Variants in ABI2 observed in about 807,000 individuals in gnomAD.
ABI2 encodes abelson interactor 2.
A neutral mutation model predicts 59.2 loss-of-function variants in ABI2; 25 were observed. The observed-to-expected ratio is 0.42, with a 90% confidence interval of 0.31 to 0.59. The LOEUF is 0.59. ABI2 is among the 20% of genes least tolerant of loss of function. The pLI is 0.14. For missense variants in ABI2, 545 were observed against 681.8 expected, an observed-to-expected ratio of 0.80 and a Z score of 2.23; for synonymous variants, 213 against 235.5, an observed-to-expected ratio of 0.90 and a Z score of 0.87.
In ABI2 at chr2:203,427,407, C is replaced by G; in HGVS notation, c.*55C>G. 1 of 1,466,938 alleles carries G rather than the reference C, an allele frequency of 6.8e-7. No individual in the cohort carries two copies. Among genetic ancestry groups the G allele is most frequent in the Non-Finnish European group, 9.3e-7 (1 of 1,070,892 alleles). 90.9% of individuals were successfully genotyped at this position (1,466,938 alleles called of 1,614,324 possible). A position where few individuals can be genotyped will look rare whatever the true frequency, so the allele number is the denominator to read the frequency against. On this transcript the variant is annotated 3_prime_UTR_variant, in exon 12 of 12. Transcript: ENST00000261018. ...GAATAGTCAGGTCTTCCCAGATTATCTGAAGGCCCTGGGGATTCCACTCCA... is the reference window on the plus strand; with the variant it reads ...GAATAGTCAGGTCTTCCCAGATTATGTGAAGGCCCTGGGGATTCCACTCCA...
At chr2:203,390,367 C>T in intron 4 of ABI2, among the ~76,000 whole-genome samples, 1 of 152,166 alleles carries the variant, frequency 6.6e-6, no homozygotes, top group South Asian at 2.1e-4. Flanking sequence ...TGCAGTGGCT[C>T]ACGCCTGTAA....
At chr2:203,405,436 G>C (rs1199246942) in intron 9 of ABI2, among the ~76,000 whole-genome samples, 1 of 152,108 alleles carries the variant, frequency 6.6e-6, no homozygotes, top group Non-Finnish European at 1.5e-5. Context: ...TGCAGTCCCA[G>C]CTCCTCAGGA....
intron 4 of ABI2, among the ~76,000 whole-genome samples, chr2:203,385,019 G>C (rs1226994540): frequency 1.3e-5 from 2 of 151,702 alleles, no homozygotes; most frequent in Admixed American, 1.3e-4. Context: ...ACTTTTAGTA[G>C]AGACAGGGTT....
intron 2 of ABI2, among the ~76,000 whole-genome samples, chr2:203,370,388 AAG>A (rs1427745307): frequency 6.6e-6 from 1 of 152,042 alleles, no homozygotes; most frequent in Non-Finnish European, 1.5e-5. Flanking sequence ...ATGCCCAGCA[AAG>A]AGAGATGACA....
intron 1 of ABI2, among the ~76,000 whole-genome samples, chr2:203,347,977 A>G (rs775286196): frequency 3.9e-5 from 6 of 152,208 alleles, no homozygotes; most frequent in African/African-American, 7.2e-5. Flanking sequence ...CAGGTGGCTC[A>G]TGCCTATAAT....
At chr2:203,386,104 G>T (rs1044136267) in intron 4 of ABI2, among the ~76,000 whole-genome samples, 14 of 152,260 alleles carry the variant, frequency 9.2e-5, no homozygotes, top group Middle Eastern at 3.4e-3. Flanking sequence ...CCTCTGAAGA[G>T]AGGGATAGAG....
At chr2:203,389,812 A>G (rs1454762220) in intron 4 of ABI2, among the ~76,000 whole-genome samples, 1 of 152,190 alleles carries the variant, frequency 6.6e-6, no homozygotes, top group Non-Finnish European at 1.5e-5. Flanking sequence ...GATTTTTCTT[A>G]GCTTTTTGAG....
At chr2:203,402,244 AG>A (rs1370321823) in intron 8 of ABI2, among the ~76,000 whole-genome samples, 1 of 152,150 alleles carries the variant, frequency 6.6e-6, no homozygotes, top group African/African-American at 2.4e-5. Flanking sequence ...CACGTTGGCC[AG>A]GCTGGTCTGA....
chr2:203,348,274 A>G (rs546283503), intron 1 of ABI2, among the ~76,000 whole-genome samples: 1 of 152,312 alleles, frequency 6.6e-6, no homozygotes, highest in African/African-American at 2.4e-5. Flanking sequence ...AATAAATGTA[A>G]TAAAGGTTAA....
rs1382153922 is a variant in ABI2 at position 203,419,529 on chromosome 2, T to C, written c.1453+2448T>C. 2.0e-5 allele frequency among the ~76,000 whole-genome samples: 3 copies of C among 151,516 alleles called. No individual in the cohort carries two copies. In the East Asian group the frequency reaches 5.9e-4, roughly 30 times the overall value. On this transcript the variant is annotated intron_variant, in intron 11 of 11. Coordinates refer to ENST00000261018, the MANE Select transcript of ABI2 (RefSeq NM_001375670.1). Reference sequence around the variant, plus strand: ...GACTACAGGCGCCTGCCACCATGCCTGGGTAATTTTTTGTATTTTTTTTTT... The same window carrying C: ...GACTACAGGCGCCTGCCACCATGCCCGGGTAATTTTTTGTATTTTTTTTTT...
At chr2:203,364,091 CTT>C (rs75432257) in intron 1 of ABI2, among the ~76,000 whole-genome samples, 3 of 140,484 alleles carry the variant, frequency 2.1e-5, no homozygotes, top group Admixed American at 7.2e-5. Context: ...GTCCATTCAT[CTT>C]TTTTTTTTTT....
intron 1 of ABI2, among the ~76,000 whole-genome samples, chr2:203,331,348 C>CTTT (rs201209202): frequency 2.3e-5 from 2 of 85,300 alleles, no homozygotes; most frequent in African/African-American, 4.4e-5. Flanking sequence ...TCAATTTAGC[C>CTTT]TTTTTTTTTT....
intron 1 of ABI2, among the ~76,000 whole-genome samples, chr2:203,356,672 A>G (rs1278378594): frequency 6.6e-6 from 1 of 151,842 alleles, no homozygotes; most frequent in Non-Finnish European, 1.5e-5. Flanking sequence ...TCCAGTCCAA[A>G]TTTTTAAATT....
chr2:203,373,482 G>A (rs1051330930), intron 2 of ABI2, among the ~76,000 whole-genome samples: 9 of 151,780 alleles, frequency 5.9e-5, no homozygotes, highest in African/African-American at 2.2e-4. Context: ...ACCATGGGCC[G>A]TGGGGAGAGG....
chr2:203,356,349 T>C (rs897336424), intron 1 of ABI2, among the ~76,000 whole-genome samples: 6 of 152,088 alleles, frequency 3.9e-5, no homozygotes, highest in African/African-American at 1.2e-4. Flanking sequence ...AGGCTAATTT[T>C]TTAATTTAAT....
Position 203,395,659 on chromosome 2 carries a change from CAGT to C in ABI2, c.730_732del (p.Ser244del), listed in dbSNP as rs1205964919. 4 of 1,608,070 alleles carry C rather than the reference CAGT, an allele frequency of 2.5e-6. No individual in the cohort carries two copies. The highest frequency in any genetic ancestry group is 1.7e-4 in the Middle Eastern group (1 of 6,050). ...TTGGTGGCTCTTATTTCTTTAGCAGCAGTGGGAGTAGTGGAGGGAGCCACCCAA... is the reference window on the plus strand; with the variant it reads ...TTGGTGGCTCTTATTTCTTTAGCAGCGGGAGTAGTGGAGGGAGCCACCCAA... On this transcript the variant is annotated inframe_deletion, in exon 7 of 12. Transcript: ENST00000261018.
At chr2:203,350,862 TTG>T (rs200198424) in intron 1 of ABI2, among the ~76,000 whole-genome samples, 35,878 of 137,726 alleles carry the variant, frequency 0.26, 4,521 homozygotes, top group East Asian at 0.48. Flanking sequence ...GTTGTGTGTT[TTG>T]TGTGTGTGTG....
At chr2:203,359,002 ACT>A (rs1032818528) in intron 1 of ABI2, among the ~76,000 whole-genome samples, 1 of 152,080 alleles carries the variant, frequency 6.6e-6, no homozygotes, top group African/African-American at 2.4e-5. Flanking sequence ...ACAGAGTGAG[ACT>A]CTGTCTCAAA....
At chr2:203,345,400 C>T (rs976391225) in intron 1 of ABI2, among the ~76,000 whole-genome samples, 8 of 152,264 alleles carry the variant, frequency 5.3e-5, no homozygotes, top group Admixed American at 2.6e-4. Flanking sequence ...GTAACATTCA[C>T]GGCGAGGGTC....
Sources: allele counts gnomAD v4.1 joint callset (sites outside exome capture counted in the v4.1 genomes callset), GRCh38; gene constraint gnomAD v4.1.1; transcripts MANE v1.5; gene names NCBI Gene and HGNC (gene_info 2026-07-23, HGNC 2026-07-21).